DMBT1: variants seen among roughly 807,000 people sequenced by gnomAD.
DMBT1 encodes scavenger receptor cysteine-rich domain-containing protein DMBT1.
DMBT1 carries 198 observed loss-of-function variants against 252.9 expected under a neutral mutation model. The ratio of observed to expected loss-of-function variants is 0.78; its 90% confidence interval spans 0.70 to 0.88. The LOEUF is 0.88. Ranked by LOEUF, DMBT1 falls within the 40% of genes least tolerant of loss-of-function variation. The pLI is 0.00. For synonymous variants in DMBT1, 990 were observed against 942.7 expected, an observed-to-expected ratio of 1.05 and a Z score of -0.92; for missense variants, 2,432 against 2,404.7, an observed-to-expected ratio of 1.01 and a Z score of -0.24.
intron 52 of DMBT1, among the ~76,000 whole-genome samples, chr10:122,633,614 T>C (rs2098185001): frequency 6.6e-6 from 1 of 152,188 alleles, no homozygotes; most frequent in Non-Finnish European, 1.5e-5. Flanking sequence ...ACCAATTTGC[T>C]GTGTGACCAC....
At chr10:122,630,129 A>G (rs2133668231) in intron 47 of DMBT1, 136 bp downstream of exon 47, 1 of 1,402,042 alleles carries the variant, frequency 7.1e-7, no homozygotes, top group Non-Finnish European at 9.8e-7. Context: ...GATTCCTACC[A>G]TAAAGCATCA....
chr10:122,587,201 G>A (rs962454732), intron 16 of DMBT1, among the ~76,000 whole-genome samples: 1 of 148,384 alleles, frequency 6.7e-6, no homozygotes, highest in Admixed American at 6.7e-5. Flanking sequence ...AGGGTGAGGT[G>A]GATGCAGCAC....
Position 122,640,315 on chromosome 10 carries a change from C to T in DMBT1, c.7218C>T (p.Asp2406=). Residue 2406 remains aspartate, a synonymous_variant, in exon 55 of 56, where the codon GAC becomes GAT. Transcript: ENST00000338354. ...YPVTSRPYYV[D]LNQDLYVQAE... is the part of the protein sequence containing the mutation. The stretch of plus-strand genomic sequence containing the variant: ...TGACCAGCCGCCCTTACTACGTGGA[C>T]CTGAACCAGGACTTGTACGTTCAGG... 7 of 1,614,042 alleles carry T rather than the reference C, an allele frequency of 4.3e-6. No homozygotes were observed. Among genetic ancestry groups the T allele is most frequent in the East Asian group, 2.2e-5 (1 of 44,868 alleles).
Position 122,618,020 on chromosome 10 carries a change from C to A in DMBT1, c.4895C>A (p.Ser1632Tyr), listed in dbSNP as rs947716909. ...WPTSRASTAG[S>Y]ESTLALRLVN... is the part of the protein sequence containing the mutation. The stretch of plus-strand genomic sequence containing the variant: ...GGGTTCTTGTGTTCCCCTGTAGGAT[C>A]TGAATCCACTTTGGCCCTGAGACTG... The change falls in exon 41 of 56, where the codon TCT becomes TAT. Residue 1632 changes from serine to tyrosine, a missense_variant. Ser to Tyr is a moderately radical substitution (Grantham distance 144). Transcript: ENST00000338354. 3.1e-6 allele frequency: 5 copies of A among 1,612,606 alleles called. No homozygotes were observed. Among genetic ancestry groups the A allele is most frequent in the African/African-American group, 1.3e-5 (1 of 74,826 alleles).
rs2097777755 is a variant in DMBT1, at chr10:122,585,064, C to T, written c.1421-207C>T. Among the ~76,000 whole-genome samples the T allele has an allele frequency of 1.3e-5, 2 of 148,634 alleles. 1 individual carries two copies. The highest frequency in any genetic ancestry group is 4.9e-5 in the African/African-American group (2 of 41,116). Reference sequence around the variant, plus strand: ...AAGAGGACATCCCACACTTCAGAGGCAGGAGGGATCGAACTGGTCTCCAGC... The same window carrying T: ...AAGAGGACATCCCACACTTCAGAGGTAGGAGGGATCGAACTGGTCTCCAGC... On this transcript the variant is annotated intron_variant, in intron 14 of 55. Coordinates refer to ENST00000338354, the MANE Select transcript of DMBT1 (RefSeq NM_001377530.1).
At chr10:122,633,026 C>T (rs2098178846) in intron 51 of DMBT1, 136 bp downstream of exon 51, 1 of 1,510,762 alleles carries the variant, frequency 6.6e-7, no homozygotes, top group Admixed American at 1.9e-5. Context: ...CCCTGCCAGC[C>T]CTCAGTGGAC....
chr10:122,600,024 G>A, intron 26 of DMBT1, 40 bp from the exon 27 acceptor site: 1 of 1,607,430 alleles, frequency 6.2e-7, no homozygotes, highest in African/African-American at 1.4e-5. Context: ...CGACTTCTGT[G>A]TAATGTTCCT....
intron 18 of DMBT1, among the ~76,000 whole-genome samples, chr10:122,591,221 G>C (rs1047199139): frequency 6.7e-6 from 1 of 148,650 alleles, no homozygotes; most frequent in Admixed American, 6.7e-5. Context: ...TCAGTGGATG[G>C]GGCAGGTAAA....
chr10:122,630,581 A>C, intron 48 of DMBT1, 91 bp downstream of exon 48: 1 of 1,366,280 alleles, frequency 7.3e-7, no homozygotes, highest in Non-Finnish European at 1.0e-6. Context: ...GAAATCAAAG[A>C]AGGGCCTCAG....
chr10:122,573,885 C>T (rs1565591159), intron 6 of DMBT1, 123 bp downstream of exon 6: 6 of 1,260,634 alleles, frequency 4.8e-6, no homozygotes, highest in Non-Finnish European at 6.9e-6. Context: ...ACGAGGGGCC[C>T]TTCCACAAAA....
In DMBT1 at chr10:122,576,695, G is replaced by A. The variant is rs1332677197; in HGVS notation, c.580G>A (p.Gly194Ser). 12 of 1,613,648 alleles carry A rather than the reference G, an allele frequency of 7.4e-6. No individual in the cohort carries two copies. The Admixed American group carries it at 1.7e-4, about 22-fold the overall frequency. The change falls in exon 7 of 56, where the codon GGT (glycine) becomes AGT (serine). Residue 194 changes from glycine (G) to serine (S), a missense_variant. Physicochemically the swap from Gly to Ser is moderately conservative, Grantham distance 56 (BLOSUM62 0). Around this residue, in one of 3 missense-constraint regions of DMBT1, gnomAD observed 1,264 missense variants for 1,082.2 expected, o/e 1.17. Coordinates refer to ENST00000338354, the MANE Select transcript of DMBT1 (RefSeq NM_001377530.1). Reference protein sequence around the residue: ...NGWLSHNCGHGEDAGVICSAA... With the variant: ...NGWLSHNCGHSEDAGVICSAA... Reference sequence around the variant, plus strand: ...CTGGCTCTCCCATAACTGTGGCCATGGTGAAGATGCTGGTGTTATCTGCTC... The same window carrying A: ...CTGGCTCTCCCATAACTGTGGCCATAGTGAAGATGCTGGTGTTATCTGCTC...
intron 46 of DMBT1, among the ~76,000 whole-genome samples, chr10:122,628,260 T>G (rs2098132741): frequency 6.6e-6 from 1 of 152,254 alleles, no homozygotes. Flanking sequence ...CAAATGTGAA[T>G]GCAATGCAAA....
In DMBT1 at chr10:122,570,978, C is replaced by T. The variant is rs565806360; in HGVS notation, c.187+41C>T. On this transcript the variant is annotated intron_variant, in intron 4 of 55. Transcript: ENST00000338354. ...GGGGATCCCTGTGGGCTCATTACCC[C>T]ACTGCACCCCTAGGTTCATCTCTGA... is the stretch of plus-strand genomic sequence containing the variant. The T allele has an allele frequency of 7.5e-6, 12 of 1,595,580 alleles. 2 individuals are homozygous for T. The South Asian group carries it at 1.2e-4, about 16-fold the overall frequency.
intron 9 of DMBT1, among the ~76,000 whole-genome samples, chr10:122,579,182 C>T (rs924466819): frequency 6.6e-6 from 1 of 152,110 alleles, no homozygotes; most frequent in Non-Finnish European, 1.5e-5. Flanking sequence ...GGGGGTCTCC[C>T]TAATCCTATG....
intron 18 of DMBT1, 74 bp from the exon 19 acceptor site, chr10:122,591,405 T>C: frequency 6.9e-7 from 1 of 1,454,306 alleles, no homozygotes; most frequent in Non-Finnish European, 9.6e-7. Flanking sequence ...GCTTGCCTTG[T>C]CCAGAGACCT....
intron 50 of DMBT1, 74 bp downstream of exon 50, chr10:122,631,949 G>A (rs2098168628): frequency 1.3e-6 from 2 of 1,519,890 alleles, no homozygotes; most frequent in African/African-American, 1.4e-5. Context: ...GACTGTGCAG[G>A]GCATGTTGCT....
At chr10:122,584,799 C>A (rs1050530913) in intron 14 of DMBT1, among the ~76,000 whole-genome samples, 1 of 149,202 alleles carries the variant, frequency 6.7e-6, no homozygotes, top group Non-Finnish European at 1.5e-5. Context: ...CTCCTTCCAA[C>A]ACCCAGATTC....
chr10:122,598,067 T>C, intron 25 of DMBT1, 55 bp downstream of exon 25: 1 of 1,610,550 alleles, frequency 6.2e-7, no homozygotes, highest in Admixed American at 1.7e-5. Flanking sequence ...TGGACAAATG[T>C]TTTTTCTGAA....
chr10:122,576,302 G>A, intron 6 of DMBT1, 97 bp from the exon 7 acceptor site: 1 of 1,495,116 alleles, frequency 6.7e-7, no homozygotes, highest in Admixed American at 2.0e-5. Flanking sequence ...TTCTCTCAAA[G>A]ATATCTGCCT....
Sources: allele counts gnomAD v4.1 joint callset (sites outside exome capture counted in the v4.1 genomes callset), GRCh38; gene constraint gnomAD v4.1.1; regional missense constraint gnomAD v4.1.1; transcripts MANE v1.5; gene names NCBI Gene and HGNC (gene_info 2026-07-23, HGNC 2026-07-21).